NDST4: variants seen among roughly 807,000 people sequenced by gnomAD.
The protein encoded by NDST4 is N-deacetylase and N-sulfotransferase 4.
NDST4 carries 63 observed loss-of-function variants against 100.8 expected under a neutral mutation model. The observed-to-expected ratio is 0.62, with a 90% CI of 0.51 to 0.77. The LOEUF (loss-of-function observed/expected upper bound fraction) is 0.77. NDST4 is among the 30% of genes least tolerant of loss of function. The pLI, the probability that NDST4 is intolerant of heterozygous loss-of-function variation, is 0.00. For synonymous variants in NDST4, 377 were observed against 361.8 expected, an observed-to-expected ratio of 1.04 and a Z score of -0.48; for missense variants, 943 against 1,018.4, an observed-to-expected ratio of 0.93 and a Z score of 1.01.
intron 2 of NDST4, among the ~76,000 whole-genome samples, chr4:115,051,383 T>C (rs1490439362): frequency 6.6e-6 from 1 of 152,088 alleles, no homozygotes; most frequent in Non-Finnish European, 1.5e-5. Flanking sequence ...AATAACCACA[T>C]TTACGTTCTT....
Position 115,112,077 on chromosome 4 carries a change from T to TCA in NDST4, c.-247+1365_-247+1366dup, listed in dbSNP as rs376921280. ...TATATTCTTTACATAAACTTGCTAC[T>TCA]CACACACACACACACACGCACACAC... On this transcript the variant is annotated intron_variant, in intron 1 of 13. Transcript: ENST00000264363. Among the ~76,000 whole-genome samples the TCA allele has an allele frequency of 1.7e-3, 249 of 148,636 alleles. 2 individuals carry two copies. Among genetic ancestry groups the TCA allele is most frequent in the Middle Eastern group, 6.9e-3 (2 of 290 alleles).
chr4:114,986,832 A>ATATATATATATATATATTTTTTTTTT, intron 2 of NDST4, among the ~76,000 whole-genome samples: 10 of 94,656 alleles, frequency 1.1e-4, no homozygotes, highest in South Asian at 4.3e-4. Context: ...ATATATATAT[A>ATATATATATATATATATTTTTTTTTT]TTTTAATATA....
At chr4:114,847,658 TTTA>T (rs1723584151) in intron 9 of NDST4, among the ~76,000 whole-genome samples, 1 of 151,808 alleles carries the variant, frequency 6.6e-6, no homozygotes, top group African/African-American at 2.4e-5. Context: ...ATACTGTGAT[TTTA>T]TTTTTTTCAT....
chr4:115,093,325 G>A (rs1036202939), intron 1 of NDST4, among the ~76,000 whole-genome samples: 58 of 151,766 alleles, frequency 3.8e-4, no homozygotes, highest in African/African-American at 1.2e-3. Flanking sequence ...AATACAAAAA[G>A]TTAGCTGGGC....
At chr4:114,903,671 G>T (rs55668045) in intron 6 of NDST4, among the ~76,000 whole-genome samples, 36,420 of 151,850 alleles carry the variant, frequency 0.24, 7,104 homozygotes, top group African/African-American at 0.54. Context: ...GTTCAGCTTT[G>T]TAATTGTTAG....
chr4:114,879,947 CCAGTTTTT>C (rs1404008784), intron 6 of NDST4, among the ~76,000 whole-genome samples: 1 of 152,066 alleles, frequency 6.6e-6, no homozygotes, highest in Non-Finnish European at 1.5e-5. Context: ...TACCAGTGTC[CCAGTTTTT>C]CAGTCATAAT....
intron 2 of NDST4, among the ~76,000 whole-genome samples, chr4:114,985,697 A>G (rs946531372): frequency 3.9e-5 from 6 of 152,162 alleles, no homozygotes; most frequent in Non-Finnish European, 8.8e-5. Context: ...TCAATCAAAT[A>G]ATTTTTTAAT....
chr4:114,860,288 T>C (rs1302153225), intron 7 of NDST4, among the ~76,000 whole-genome samples: 1 of 152,228 alleles, frequency 6.6e-6, no homozygotes, highest in Admixed American at 6.5e-5. Context: ...TGGTGTAGTT[T>C]TAGTTCAACT....
chr4:114,969,794 T>C (rs1460871730), intron 4 of NDST4, among the ~76,000 whole-genome samples: 1 of 152,206 alleles, frequency 6.6e-6, no homozygotes, highest in Non-Finnish European at 1.5e-5. Flanking sequence ...TGCGTCTTTA[T>C]GGTAGAAGCA....
At chr4:115,080,750 A>G (rs939516353) in intron 1 of NDST4, among the ~76,000 whole-genome samples, 1 of 151,918 alleles carries the variant, frequency 6.6e-6, no homozygotes, top group African/African-American at 2.4e-5. Context: ...GTCGAAGGAG[A>G]TTATTAATCT....
intron 2 of NDST4, among the ~76,000 whole-genome samples, chr4:115,060,351 C>T (rs1296513981): frequency 1.3e-5 from 2 of 151,902 alleles, no homozygotes; most frequent in Admixed American, 6.6e-5. Flanking sequence ...TCTATAACTT[C>T]TCTTACACTG....
chr4:115,062,780 A>G (rs1728852212), intron 2 of NDST4, among the ~76,000 whole-genome samples: 1 of 151,984 alleles, frequency 6.6e-6, no homozygotes, highest in African/African-American at 2.4e-5. Flanking sequence ...TTAATGTTTG[A>G]CAATACCAAC....
intron 4 of NDST4, among the ~76,000 whole-genome samples, chr4:114,954,643 TA>T (rs561872526): frequency 4.6e-5 from 7 of 152,290 alleles, no homozygotes; most frequent in Middle Eastern, 3.4e-3. Context: ...ATAATGTTAC[TA>T]AAACATTCTT....
At chr4:115,043,211 A>T (rs1281681416) in intron 2 of NDST4, among the ~76,000 whole-genome samples, 1 of 152,096 alleles carries the variant, frequency 6.6e-6, no homozygotes, top group African/African-American at 2.4e-5. Flanking sequence ...AATATGCAAA[A>T]TATTGGTTGT....
At chr4:114,929,148 CTATCTATCTATCTATG>C (rs1725458798) in intron 6 of NDST4, among the ~76,000 whole-genome samples, 2 of 148,440 alleles carry the variant, frequency 1.3e-5, no homozygotes, top group African/African-American at 2.4e-5. Flanking sequence ...ATCTATCTAT[CTATCTATCTATCTATG>C]TATCTAAATC....
intron 2 of NDST4, among the ~76,000 whole-genome samples, chr4:115,051,236 A>G (rs1728575529): frequency 6.6e-6 from 1 of 151,980 alleles, no homozygotes; most frequent in Non-Finnish European, 1.5e-5. Flanking sequence ...CAGTGTCTTC[A>G]TCTCGTTTAT....
intron 2 of NDST4, among the ~76,000 whole-genome samples, chr4:114,989,325 T>C (rs189454712): frequency 6.6e-6 from 1 of 152,336 alleles, no homozygotes; most frequent in East Asian, 1.9e-4. Flanking sequence ...TGACATTATC[T>C]ACCTTTGACA....
At chr4:114,841,808 C>A (rs1723432890) in intron 10 of NDST4, among the ~76,000 whole-genome samples, 1 of 152,142 alleles carries the variant, frequency 6.6e-6, no homozygotes, top group South Asian at 2.1e-4. Context: ...TAGATAAATT[C>A]TGATGGTAGT....
chr4:115,023,842 T>G (rs1456672174), intron 2 of NDST4, among the ~76,000 whole-genome samples: 2 of 152,124 alleles, frequency 1.3e-5, no homozygotes, highest in Non-Finnish European at 2.9e-5. Context: ...GCCCATGCTA[T>G]AGGAGGGCAG....
Sources: gnomAD v4.1 joint callset for allele counts (sites outside exome capture counted in the v4.1 genomes callset) on GRCh38, gnomAD v4.1.1 for gene constraint, MANE v1.5 for transcripts, NCBI Gene and HGNC (gene_info 2026-07-23, HGNC 2026-07-21) for gene names.